SMOC2: variants seen among roughly 807,000 people sequenced by gnomAD.
SMOC2 encodes SPARC related modular calcium binding 2.
In SMOC2, 39 loss-of-function variants were observed where a neutral mutation model predicts 61.4. That is an observed-to-expected ratio of 0.64 (90% CI 0.49 to 0.83). The LOEUF (loss-of-function observed/expected upper bound fraction) is 0.83. Among genes scored for constraint, SMOC2 ranks in the 40% least tolerant of loss-of-function variants. The pLI is 0.00. For missense variants in SMOC2, 556 were observed against 592.9 expected (o/e 0.94, Z 0.65); for synonymous variants, 247 against 239.9 (o/e 1.03, Z -0.27).
chr6:168,591,928 C>A (rs1224037679), intron 7 of SMOC2, among the ~76,000 whole-genome samples: 1 of 151,948 alleles, frequency 6.6e-6, no homozygotes, highest in African/African-American at 2.4e-5. Context: ...TCCAGAATTT[C>A]TAGCTTTATT....
At chr6:168,635,284 A>G (rs1368102556) in intron 9 of SMOC2, among the ~76,000 whole-genome samples, 1 of 152,228 alleles carries the variant, frequency 6.6e-6, no homozygotes, top group Non-Finnish European at 1.5e-5. Context: ...GCAGTTTATC[A>G]TCTAGCTGTG....
intron 7 of SMOC2, among the ~76,000 whole-genome samples, chr6:168,556,382 C>T (rs1784251332): frequency 1.3e-5 from 2 of 152,172 alleles, no homozygotes; most frequent in South Asian, 4.1e-4. Flanking sequence ...TCTGCACCCT[C>T]GGTCCCCAGC....
intron 9 of SMOC2, among the ~76,000 whole-genome samples, chr6:168,649,027 G>T (rs543264146): frequency 6.6e-6 from 1 of 152,298 alleles, no homozygotes; most frequent in South Asian, 2.1e-4. Flanking sequence ...ATCACGTGTG[G>T]CACTGCCTTT....
At chr6:168,642,086 T>C (rs1479468670) in intron 9 of SMOC2, among the ~76,000 whole-genome samples, 1 of 152,164 alleles carries the variant, frequency 6.6e-6, no homozygotes, top group African/African-American at 2.4e-5. Context: ...CAAATTTCAT[T>C]GGATAAAAGA....
chr6:168,635,077 A>T (rs1468048932), intron 9 of SMOC2, among the ~76,000 whole-genome samples: 8 of 152,196 alleles, frequency 5.3e-5, no homozygotes, highest in Non-Finnish European at 1.0e-4. Context: ...CAATAAACAG[A>T]TCCCCAGGAA....
chr6:168,494,574 C>T (rs1247035489), intron 1 of SMOC2, among the ~76,000 whole-genome samples: 1 of 152,232 alleles, frequency 6.6e-6, no homozygotes, highest in Non-Finnish European at 1.5e-5. Flanking sequence ...GATAGGGGAT[C>T]ACTTCCTAAG....
At chr6:168,576,589 C>G (rs572042957) in intron 7 of SMOC2, among the ~76,000 whole-genome samples, 1 of 152,052 alleles carries the variant, frequency 6.6e-6, no homozygotes, top group Non-Finnish European at 1.5e-5. Flanking sequence ...AGCAGGGACA[C>G]CAAATGGACG....
At chr6:168,499,789 G>C (rs934744421) in intron 1 of SMOC2, among the ~76,000 whole-genome samples, 1 of 152,174 alleles carries the variant, frequency 6.6e-6, no homozygotes, top group African/African-American at 2.4e-5. Flanking sequence ...GGGGACTGTG[G>C]AGCAGATTGG....
At chr6:168,483,404 A>T (rs1313106580) in intron 1 of SMOC2, among the ~76,000 whole-genome samples, 7 of 152,134 alleles carry the variant, frequency 4.6e-5, no homozygotes, top group Non-Finnish European at 1.0e-4. Flanking sequence ...GTACAATAAA[A>T]ATTATAAAAC....
At chr6:168,581,198 A>T (rs1784908794) in intron 7 of SMOC2, among the ~76,000 whole-genome samples, 1 of 152,204 alleles carries the variant, frequency 6.6e-6, no homozygotes, top group Admixed American at 6.5e-5. Flanking sequence ...TTAAAATTTT[A>T]TATTTTATTT....
At chr6:168,541,549 T>A (rs1783879233) in intron 4 of SMOC2, among the ~76,000 whole-genome samples, 1 of 152,164 alleles carries the variant, frequency 6.6e-6, no homozygotes, top group Non-Finnish European at 1.5e-5. Context: ...TGGAAATATG[T>A]GGAGCTATTT....
chr6:168,630,182 C>T (rs1289430458), intron 9 of SMOC2, among the ~76,000 whole-genome samples: 1 of 152,184 alleles, frequency 6.6e-6, no homozygotes, highest in Non-Finnish European at 1.5e-5. Context: ...AGAAGACAGG[C>T]CCTCTTAGCT....
At chr6:168,486,647 C>T (rs947948633) in intron 1 of SMOC2, among the ~76,000 whole-genome samples, 2 of 151,370 alleles carry the variant, frequency 1.3e-5, no homozygotes, top group Non-Finnish European at 2.9e-5. Flanking sequence ...GCATCCAAAC[C>T]GACTGCGATT....
chr6:168,598,563 G>A (rs935587224), intron 7 of SMOC2, among the ~76,000 whole-genome samples: 1 of 152,172 alleles, frequency 6.6e-6, no homozygotes, highest in Non-Finnish European at 1.5e-5. Flanking sequence ...TGTGCTGCGT[G>A]TTGAGCAGGA....
chr6:168,523,079 A>ATTTTTTTTT (rs1554287070), intron 2 of SMOC2, among the ~76,000 whole-genome samples: 1 of 93,664 alleles, frequency 1.1e-5, no homozygotes, highest in African/African-American at 3.3e-5. Context: ...TTGTACAGTA[A>ATTTTTTTTT]TTTTTTTTTT....
chr6:168,607,209 T>G (rs1200881911), intron 8 of SMOC2, among the ~76,000 whole-genome samples: 1 of 152,038 alleles, frequency 6.6e-6, no homozygotes, highest in Non-Finnish European at 1.5e-5. Flanking sequence ...GGGAGGCAGG[T>G]TCTCATGGTG....
At chr6:168,486,739 G>A (rs528535134) in intron 1 of SMOC2, among the ~76,000 whole-genome samples, 1 of 151,686 alleles carries the variant, frequency 6.6e-6, no homozygotes, top group Non-Finnish European at 1.5e-5. Flanking sequence ...ATTCTATTGT[G>A]GTTCAACGGC....
intron 7 of SMOC2, among the ~76,000 whole-genome samples, chr6:168,563,296 T>C (rs1784464464): frequency 6.6e-6 from 1 of 152,122 alleles, no homozygotes; most frequent in Non-Finnish European, 1.5e-5. Flanking sequence ...TATGTGTGTG[T>C]GTGTATATAT....
intron 9 of SMOC2, among the ~76,000 whole-genome samples, chr6:168,637,137 G>A (rs920030321): frequency 6.6e-6 from 1 of 151,930 alleles, no homozygotes; most frequent in Non-Finnish European, 1.5e-5. Context: ...GGACCAGAGG[G>A]TCTAACACTG....
Sources: allele counts gnomAD v4.1 joint callset (sites outside exome capture counted in the v4.1 genomes callset), GRCh38; gene constraint gnomAD v4.1.1; transcripts MANE v1.5; gene names NCBI Gene and HGNC (gene_info 2026-07-23, HGNC 2026-07-21).